The following EBF1 variants were observed in gnomAD, a reference collection of about 807,000 sequenced individuals.
EBF1 encodes transcription factor COE1.
EBF1 carries 10 observed loss-of-function variants against 68.4 expected under a neutral mutation model. The ratio of observed to expected loss-of-function variants is 0.15; its 90% CI spans 0.09 to 0.25. The LOEUF (loss-of-function observed/expected upper bound fraction) is 0.25, where lower values mean the gene tolerates loss of function less well. Ranked by LOEUF, EBF1 falls within the 10% of genes least tolerant of loss-of-function variation. The pLI, the probability that EBF1 is intolerant of heterozygous loss-of-function variation, is 1.00. For synonymous variants in EBF1, 298 were observed against 299.8 expected (o/e 0.99, Z 0.06); for missense variants, 509 against 794.4 (o/e 0.64, Z 4.32).
At chr5:158,814,801 G>T (rs1783395785) in intron 8 of EBF1, among the ~76,000 whole-genome samples, 1 of 152,030 alleles carries the variant, frequency 6.6e-6, no homozygotes, top group Admixed American at 6.6e-5. Context: ...TTATTATCTT[G>T]CCAGCCCCAC....
rs952492623 is a variant in EBF1 at position 159,045,938 on chromosome 5, C to T, written c.554+27458G>A. Among the ~76,000 whole-genome samples the T allele has an allele frequency of 2.6e-5, 4 of 152,154 alleles. No homozygotes were observed. In the South Asian group the frequency reaches 6.2e-4, roughly 24 times the overall value. ...CTTGATTCTCTTCTCCCTCAGCTCC[C>T]CATAGCCTATCTGAGCTTTGTTCCC... is the stretch of plus-strand genomic sequence containing the variant. On this transcript the variant is annotated intron_variant, in intron 6 of 15. Coordinates refer to ENST00000313708, the MANE Select transcript of EBF1 (RefSeq NM_024007.5).
chr5:158,917,466 C>T (rs1231841866), intron 6 of EBF1, among the ~76,000 whole-genome samples: 1 of 152,194 alleles, frequency 6.6e-6, no homozygotes, highest in Admixed American at 6.5e-5. Context: ...CTGAATGGAG[C>T]AGGAGGTCTT....
intron 6 of EBF1, among the ~76,000 whole-genome samples, chr5:158,931,073 A>G (rs114732488): frequency 6.6e-6 from 1 of 152,236 alleles, no homozygotes; most frequent in Non-Finnish European, 1.5e-5. Flanking sequence ...GATGCTGTGC[A>G]CAGCAAACTC....
intron 6 of EBF1, among the ~76,000 whole-genome samples, chr5:158,843,550 A>G (rs1262912392): frequency 1.3e-5 from 2 of 152,178 alleles, no homozygotes; most frequent in African/African-American, 4.8e-5. Flanking sequence ...TCAACAGTGG[A>G]TCACTTGCTG....
intron 6 of EBF1, among the ~76,000 whole-genome samples, chr5:158,956,643 GTTGAAAATA>G (rs1817170111): frequency 6.6e-6 from 1 of 151,394 alleles, no homozygotes; most frequent in South Asian, 2.1e-4. Flanking sequence ...GAAAAAAGAA[GTTGAAAATA>G]TTGAAAATAT....
At chr5:158,720,058 T>C (rs1761605817) in intron 11 of EBF1, among the ~76,000 whole-genome samples, 1 of 152,168 alleles carries the variant, frequency 6.6e-6, no homozygotes, top group Non-Finnish European at 1.5e-5. Context: ...TATCAGGGGA[T>C]TCAAAATATA....
At chr5:158,701,376 AAT>A (rs1756738550) in intron 15 of EBF1, among the ~76,000 whole-genome samples, 1 of 152,060 alleles carries the variant, frequency 6.6e-6, no homozygotes, top group Admixed American at 6.6e-5. Flanking sequence ...AAAAAAAAAA[AAT>A]CTAAGCAGGC....
At chr5:159,005,521 A>C (rs778984321) in intron 6 of EBF1, among the ~76,000 whole-genome samples, 1 of 152,186 alleles carries the variant, frequency 6.6e-6, no homozygotes, top group South Asian at 2.1e-4. Flanking sequence ...CTGAGTGTGC[A>C]TTTCTCAGAG....
At chr5:158,728,176 C>T (rs897574835) in intron 11 of EBF1, among the ~76,000 whole-genome samples, 2 of 152,186 alleles carry the variant, frequency 1.3e-5, no homozygotes, top group South Asian at 2.1e-4. Flanking sequence ...CTTGAACTCT[C>T]GCTCCACTTT....
At chr5:159,014,025 AC>A (rs752292517) in intron 6 of EBF1, among the ~76,000 whole-genome samples, 6 of 152,242 alleles carry the variant, frequency 3.9e-5, no homozygotes, top group Non-Finnish European at 7.3e-5. Context: ...AATTATAGTT[AC>A]ATCAACATTG....
intron 6 of EBF1, among the ~76,000 whole-genome samples, chr5:159,020,868 G>T (rs953125877): frequency 6.6e-6 from 1 of 152,190 alleles, no homozygotes; most frequent in Admixed American, 6.5e-5. Context: ...ATTAGCTACA[G>T]TTATTTAATT....
intron 5 of EBF1, among the ~76,000 whole-genome samples, chr5:159,077,745 C>CTTTTTTTT (rs58717165): frequency 1.2e-5 from 1 of 80,618 alleles, no homozygotes; most frequent in Non-Finnish European, 2.4e-5. Context: ...CAGTGGTTTG[C>CTTTTTTTT]TTTTTTTTTT....
intron 6 of EBF1, among the ~76,000 whole-genome samples, chr5:159,012,256 T>C (rs1764816423): frequency 6.7e-6 from 1 of 150,086 alleles, no homozygotes; most frequent in South Asian, 2.1e-4. Context: ...CACTGCATTC[T>C]CGCCTGGCAA....
At chr5:158,734,334 C>A (rs1764725633) in intron 10 of EBF1, among the ~76,000 whole-genome samples, 1 of 151,980 alleles carries the variant, frequency 6.6e-6, no homozygotes, top group Non-Finnish European at 1.5e-5. Context: ...TGGAATTTGA[C>A]CTGCTTGTAT....
chr5:158,997,647 C>T (rs1283341974), intron 6 of EBF1, among the ~76,000 whole-genome samples: 1 of 152,116 alleles, frequency 6.6e-6, no homozygotes, highest in African/African-American at 2.4e-5. Context: ...GTCCTTACGC[C>T]ATGCAAATTT....
chr5:158,697,691 A>T lies in EBF1; in HGVS notation c.*1420T>A, dbSNP rs769739406. On this transcript the variant is annotated 3_prime_UTR_variant, in exon 16 of 16. Transcript: ENST00000313708. ...AAATACGCAGTAAAATCTTTTTGTG[A>T]TATTGAAAAAATGTCTTAAGACATT... is the stretch of plus-strand genomic sequence containing the variant. The T allele has an allele frequency of 3.9e-5, 8 of 206,114 alleles. No homozygotes were observed. Among genetic ancestry groups the T allele is most frequent in the Non-Finnish European group, 6.9e-5 (7 of 100,842 alleles). 12.8% of individuals were successfully genotyped at this position (206,114 alleles called of 1,614,324 possible).
intron 6 of EBF1, among the ~76,000 whole-genome samples, chr5:158,966,474 A>G (rs1301609332): frequency 2.0e-5 from 3 of 152,190 alleles, no homozygotes; most frequent in Non-Finnish European, 4.4e-5. Flanking sequence ...AATCTCAGAC[A>G]GCATCAATTC....
At chr5:158,804,525 G>T (rs1033330271) in intron 8 of EBF1, among the ~76,000 whole-genome samples, 8 of 152,114 alleles carry the variant, frequency 5.3e-5, no homozygotes, top group Non-Finnish European at 1.0e-4. Flanking sequence ...CTGGAACTGT[G>T]TGCAGGTTCA....
chr5:158,796,341 C>T lies in EBF1; in HGVS notation c.909+4G>A, dbSNP rs754409998. 9 of 1,609,452 alleles carry T rather than the reference C, an allele frequency of 5.6e-6. No homozygotes were observed. Among genetic ancestry groups the T allele is most frequent in the Non-Finnish European group, 7.6e-6 (9 of 1,177,706 alleles). ...TTAGATATTAATGTTCAGACAACAC[C>T]TACCTCACTCCAGACCAGCATGGTA... On this transcript the variant is annotated splice_donor_region_variant and intron_variant, in intron 9 of 15. Coordinates refer to ENST00000313708, the MANE Select transcript of EBF1 (RefSeq NM_024007.5).
Sources: gnomAD v4.1 joint callset for allele counts (sites outside exome capture counted in the v4.1 genomes callset) on GRCh38, gnomAD v4.1.1 for gene constraint, MANE v1.5 for transcripts, NCBI Gene and HGNC (gene_info 2026-07-23, HGNC 2026-07-21) for gene names.